Variants in CCT7 observed in about 807,000 individuals in gnomAD.
The protein encoded by CCT7 is T-complex protein 1 subunit eta.
CCT7 carries 16 observed loss-of-function variants against 56.6 expected under a neutral mutation model. That is an observed-to-expected ratio of 0.28 (90% CI 0.19 to 0.43). CCT7 has a LOEUF of 0.43. Ranked by LOEUF, CCT7 falls within the 20% of genes least tolerant of loss-of-function variation. The pLI is 1.00. For missense variants in CCT7, 519 were observed against 685.6 expected (o/e 0.76, Z 2.71); for synonymous variants, 262 against 254.8 (o/e 1.03, Z -0.27).
At position 73,252,736 on chromosome 2, in the gene CCT7, C is replaced by T. The variant is rs764777998; in HGVS notation, c.1507C>T (p.Leu503=). 9 of 1,614,196 alleles carry T rather than the reference C, an allele frequency of 5.6e-6. No homozygotes were observed. In the South Asian group the frequency reaches 7.7e-5, roughly 14 times the overall value. Residue 503 remains leucine (L), a synonymous_variant, in exon 12 of 12, where the codon CTG becomes TTG. Coordinates refer to ENST00000258091, the MANE Select transcript of CCT7 (RefSeq NM_006429.4). ...GCCAGCTATGGTGCGGATCAATGCG[C>T]TGACAGCAGCCTCTGAGGCTGCGTG... The part of the protein sequence containing the change: ...WEPAMVRINA[L]TAASEAACLI...
Position 73,247,833 on chromosome 2 carries a change from A to G in CCT7, c.690A>G (p.Lys230=), listed in dbSNP as rs776920888. ...FSYAGFEMQP[K]KYHNPKIALL... ...ACGCTGGGTTTGAAATGCAACCCAA[A>G]AAGTACCACAATCCCAAGATTGCCC... Residue 230 remains lysine (K), a synonymous_variant, in exon 7 of 12, where the codon AAA becomes AAG. Transcript: ENST00000258091. 6.2e-7 allele frequency: 1 copy of G among 1,614,064 alleles called. No individual in the cohort carries two copies. The highest frequency in any genetic ancestry group is 8.5e-7 in the Non-Finnish European group (1 of 1,180,016).
chr2:73,248,854 G>A (rs1029804993), intron 7 of CCT7, 137 bp from the exon 8 acceptor site: 1 of 677,376 alleles, frequency 1.5e-6, no homozygotes, highest in African/African-American at 1.8e-5. Flanking sequence ...CTGAGGAGTA[G>A]CTATTCTGTT....
At chr2:73,248,846 G>A (rs895727762) in intron 7 of CCT7, 145 bp from the exon 8 acceptor site, 95 of 652,760 alleles carry the variant, frequency 1.5e-4, no homozygotes, top group Non-Finnish European at 2.2e-4. Context: ...TGCTTGGACT[G>A]AGGAGTAGCT....
At chr2:73,250,481 C>A (rs774709085) in intron 10 of CCT7, 43 bp downstream of exon 10, 6 of 1,607,916 alleles carry the variant, frequency 3.7e-6, no homozygotes, top group Non-Finnish European at 5.1e-6. Flanking sequence ...CTACTCTCTC[C>A]TATCTCCCTA....
rs1003125343 is a variant in CCT7, at chr2:73,234,393, C to T, written c.6+9C>T. 6.8e-6 allele frequency: 11 copies of T among 1,613,046 alleles called. No individual in the cohort carries two copies. Among genetic ancestry groups the T allele is most frequent in the Admixed American group, 3.3e-5 (2 of 60,006 alleles). ...AAGCTTCCAAAATGATGGTGAGTGG[C>T]GTCTCGCGCATCCGTCGCCATCAGC... On this transcript the variant is annotated intron_variant, in intron 1 of 11. Coordinates refer to ENST00000258091, the MANE Select transcript of CCT7 (RefSeq NM_006429.4).
intron 8 of CCT7, 77 bp from the exon 9 acceptor site, chr2:73,249,742 G>A: frequency 1.0e-6 from 1 of 961,896 alleles, no homozygotes; most frequent in South Asian, 1.3e-5. Flanking sequence ...GTGGGAATTG[G>A]CTTTGAGACG....
At chr2:73,234,427 G>A in intron 1 of CCT7, 43 bp downstream of exon 1, 1 of 1,609,880 alleles carries the variant, frequency 6.2e-7, no homozygotes, top group Non-Finnish European at 8.5e-7. Context: ...GCTGCCATCT[G>A]GCCGGTGGCC....
intron 1 of CCT7, among the ~76,000 whole-genome samples, chr2:73,234,701 GC>G (rs932404448): frequency 3.3e-5 from 5 of 152,258 alleles, no homozygotes; most frequent in Non-Finnish European, 7.3e-5. Context: ...ATCGGGACTT[GC>G]GTGAAACGAG....
At chr2:73,237,184 G>A (rs1686919290) in intron 1 of CCT7, among the ~76,000 whole-genome samples, 1 of 152,240 alleles carries the variant, frequency 6.6e-6, no homozygotes, top group African/African-American at 2.4e-5. Flanking sequence ...CCCCTATTCA[G>A]ATGCCCTTGT....
intron 9 of CCT7, 46 bp downstream of exon 9, chr2:73,249,962 GTCT>G (rs1687501394): frequency 1.6e-6 from 2 of 1,287,722 alleles, no homozygotes; most frequent in African/African-American, 2.9e-5. Context: ...CCTGGGTCTG[GTCT>G]TCTGCCATCT....
rs1011363703 is a variant in CCT7, at chr2:73,234,370, G to A, written c.-9G>A. On this transcript the variant is annotated 5_prime_UTR_variant, in exon 1 of 12. Transcript: ENST00000258091. ...GGGAGAGTGGCGGGCCGCTGAATAA[G>A]CTTCCAAAATGATGGTGAGTGGCGT... is the stretch of plus-strand genomic sequence containing the variant. The A allele has an allele frequency of 2.8e-5, 45 of 1,613,458 alleles. No individual in the cohort carries two copies. The highest frequency in any genetic ancestry group is 6.7e-5 in the East Asian group (3 of 44,900).
chr2:73,252,945 G>A lies in CCT7; in HGVS notation c.*84G>A. On this transcript the variant is annotated 3_prime_UTR_variant, in exon 12 of 12. Transcript: ENST00000258091. ...TTGGTTACTTCATTTTACAAGGAAG[G>A]GGTAGTAATTGGCCCACTCTCTTCT... is the stretch of plus-strand genomic sequence containing the variant. 3 of 950,646 alleles carry A rather than the reference G, an allele frequency of 3.2e-6. No individual in the cohort carries two copies. The highest frequency in any genetic ancestry group is 3.2e-6 in the Non-Finnish European group (2 of 624,534). The allele number at this position is 950,646 out of a possible 1,614,324, so 58.9% of individuals were successfully genotyped here.
rs1462651875 is a variant in CCT7 at position 73,251,326 on chromosome 2, T to C, written c.1304T>C (p.Ile435Thr). 3 of 1,614,094 alleles carry C rather than the reference T, an allele frequency of 1.9e-6. No individual in the cohort carries two copies. Among genetic ancestry groups the C allele is most frequent in the South Asian group, 1.1e-5 (1 of 91,092 alleles). Residue 435 changes from isoleucine to threonine, a missense_variant, in exon 11 of 12, where the codon ATT becomes ACT. By Grantham distance (89) the Ile-to-Thr change is moderately conservative (BLOSUM62 -1). Transcript: ENST00000258091. ...RTIPGKQQLL[I>T]GAYAKALEII... is the part of the protein sequence containing the mutation. ...ATTCCAGGAAAACAGCAGCTGTTGA[T>C]TGGGGCATATGCCAAGGCCTTGGAG... is the stretch of plus-strand genomic sequence containing the variant.
intron 10 of CCT7, 137 bp downstream of exon 10, chr2:73,250,575 C>T: frequency 2.1e-6 from 2 of 947,368 alleles, no homozygotes; most frequent in Non-Finnish European, 3.2e-6. Context: ...CCCTGATTTG[C>T]CCCACAAATG....
chr2:73,242,600 T>C (rs1687165717), intron 3 of CCT7, among the ~76,000 whole-genome samples: 1 of 152,230 alleles, frequency 6.6e-6, no homozygotes, highest in South Asian at 2.1e-4. Context: ...TCTTAAACAA[T>C]GTTTGTCTCT....
intron 4 of CCT7, chr2:73,243,742 C>T (rs1013297172): frequency 2.2e-6 from 1 of 463,252 alleles, no homozygotes; most frequent in African/African-American, 2.0e-5. Context: ...ACCTGCAGAC[C>T]CAGAGCAAAA....
chr2:73,234,760 G>C (rs1300668910), intron 1 of CCT7, among the ~76,000 whole-genome samples: 1 of 152,214 alleles, frequency 6.6e-6, no homozygotes, highest in Admixed American at 6.5e-5. Context: ...TTGGAAGCTG[G>C]GGCTGCTCTG....
intron 3 of CCT7, among the ~76,000 whole-genome samples, chr2:73,242,041 T>G (rs2103777648): frequency 6.6e-6 from 1 of 151,174 alleles, no homozygotes; most frequent in Non-Finnish European, 1.5e-5. Context: ...GTGCCTGGCC[T>G]CCTCATAGTT....
intron 3 of CCT7, among the ~76,000 whole-genome samples, chr2:73,241,821 A>C (rs1197515804): frequency 6.6e-6 from 1 of 151,268 alleles, no homozygotes; most frequent in Non-Finnish European, 1.5e-5. Flanking sequence ...GCTCACTGCA[A>C]CCTCCGCCTC....
Sources: gnomAD v4.1 joint callset for allele counts (sites outside exome capture counted in the v4.1 genomes callset) on GRCh38, gnomAD v4.1.1 for gene constraint, MANE v1.5 for transcripts, NCBI Gene and HGNC (gene_info 2026-07-23, HGNC 2026-07-21) for gene names.